The following SGMS1 variants were observed in gnomAD, a reference collection of about 807,000 sequenced individuals.
SGMS1 encodes the protein sphingomyelin synthase 1, also known as phosphatidylcholine:ceramide cholinephosphotransferase 1.
Under a neutral mutation model 46.2 loss-of-function variants are expected in SGMS1, and 13 were observed. That is an observed-to-expected ratio of 0.28 (90% CI 0.18 to 0.45). The LOEUF is 0.45. Among genes scored for constraint, SGMS1 ranks in the 20% least tolerant of loss-of-function variants. The pLI, the probability that SGMS1 is intolerant of heterozygous loss-of-function variation, is 1.00. For missense variants in SGMS1, 324 were observed against 519.9 expected (o/e 0.62, Z 3.66); for synonymous variants, 203 against 187.8 (o/e 1.08, Z -0.66).
intron 7 of SGMS1, among the ~76,000 whole-genome samples, chr10:50,331,986 C>T (rs1442926264): frequency 6.6e-6 from 1 of 152,182 alleles, no homozygotes; most frequent in Non-Finnish European, 1.5e-5. Flanking sequence ...GCAGCCTGAA[C>T]AGACTAAGGT....
intron 5 of SGMS1, among the ~76,000 whole-genome samples, chr10:50,459,141 C>T (rs189312490): frequency 7.2e-5 from 11 of 152,244 alleles, no homozygotes; most frequent in African/African-American, 1.4e-4. Context: ...AGTCCACTCC[C>T]GTCTCCCATG....
chr10:50,402,195 T>C (rs896448555), intron 6 of SGMS1, among the ~76,000 whole-genome samples: 2 of 152,236 alleles, frequency 1.3e-5, no homozygotes, highest in Non-Finnish European at 2.9e-5. Context: ...ATAAGCATCA[T>C]GATCACTCAA....
intron 5 of SGMS1, among the ~76,000 whole-genome samples, chr10:50,437,248 C>G (rs1849486162): frequency 6.6e-6 from 1 of 152,160 alleles, no homozygotes; most frequent in Admixed American, 6.5e-5. Flanking sequence ...TAGGAGACCA[C>G]AAAAGGGCTT....
chr10:50,388,271 G>T (rs1048539408), intron 6 of SGMS1, among the ~76,000 whole-genome samples: 1 of 151,930 alleles, frequency 6.6e-6, no homozygotes, highest in Admixed American at 6.6e-5. Flanking sequence ...TGAACCATGT[G>T]AATTTGTTAT....
At chr10:50,351,894 T>C (rs770276524) in intron 6 of SGMS1, among the ~76,000 whole-genome samples, 20 of 152,314 alleles carry the variant, frequency 1.3e-4, no homozygotes, top group East Asian at 7.7e-4. Flanking sequence ...CTCTAGGAAG[T>C]ATATCTTGGT....
chr10:50,341,213 T>C (rs1847815820), intron 7 of SGMS1: 1 of 397,840 alleles, frequency 2.5e-6, no homozygotes, highest in African/African-American at 2.1e-5. Flanking sequence ...CAAAAGATTT[T>C]AACCTTCTCT....
intron 1 of SGMS1, among the ~76,000 whole-genome samples, chr10:50,594,651 T>C (rs1339228283): frequency 6.6e-6 from 1 of 152,210 alleles, no homozygotes; most frequent in Non-Finnish European, 1.5e-5. Context: ...GTTTCTTAGA[T>C]GAAAATAGTA....
At chr10:50,389,975 G>A (rs1022025646) in intron 6 of SGMS1, among the ~76,000 whole-genome samples, 4 of 152,102 alleles carry the variant, frequency 2.6e-5, no homozygotes, top group Admixed American at 1.3e-4. Context: ...AATACTTTAC[G>A]TGTTTGAAAA....
chr10:50,568,761 G>A (rs1410878554), intron 2 of SGMS1, among the ~76,000 whole-genome samples: 1 of 151,990 alleles, frequency 6.6e-6, no homozygotes, highest in Non-Finnish European at 1.5e-5. Context: ...TATTAATGAA[G>A]GTAAGCAACC....
intron 5 of SGMS1, among the ~76,000 whole-genome samples, chr10:50,437,583 T>C (rs989529975): frequency 2.6e-5 from 4 of 152,044 alleles, no homozygotes; most frequent in African/African-American, 9.7e-5. Context: ...GAGCAGGCCA[T>C]AAAAAAGCAA....
intron 3 of SGMS1, among the ~76,000 whole-genome samples, chr10:50,512,758 T>C (rs1378676992): frequency 1.3e-5 from 2 of 152,224 alleles, no homozygotes; most frequent in African/African-American, 4.8e-5. Context: ...ACAACATAAA[T>C]TTAAAACTAT....
At chr10:50,606,598 C>T (rs995162709) in intron 1 of SGMS1, among the ~76,000 whole-genome samples, 2 of 152,072 alleles carry the variant, frequency 1.3e-5, no homozygotes, top group Non-Finnish European at 2.9e-5. Context: ...TAAGAATCTA[C>T]CAAAGTTGTC....
intron 6 of SGMS1, among the ~76,000 whole-genome samples, chr10:50,369,945 C>G (rs1848408779): frequency 6.6e-6 from 1 of 152,170 alleles, no homozygotes; most frequent in Non-Finnish European, 1.5e-5. Flanking sequence ...AAAACTTGTA[C>G]AGCATTCTAC....
At chr10:50,426,263 A>C (rs916310595) in intron 6 of SGMS1, among the ~76,000 whole-genome samples, 4 of 152,260 alleles carry the variant, frequency 2.6e-5, no homozygotes, top group African/African-American at 9.6e-5. Context: ...GTTTATAAAA[A>C]AATGTTTTAA....
Position 50,461,162 on chromosome 10 carries a change from CTGAT to C in SGMS1, c.-454-352_-454-349del, listed in dbSNP as rs796781806. ...ACTATTTTTAGTTGCCAACAAATAA[CTGAT>C]TATCATAAATTAAGTATAAGTTTGA... is the stretch of plus-strand genomic sequence containing the variant. On this transcript the variant is annotated intron_variant, in intron 4 of 10. Coordinates refer to ENST00000361781, the MANE Select transcript of SGMS1 (RefSeq NM_147156.4). Among the ~76,000 whole-genome samples, 142 of 152,204 alleles carry C rather than the reference CTGAT, an allele frequency of 9.3e-4. 1 individual carries two copies. Among genetic ancestry groups the C allele is most frequent in the African/African-American group, 3.3e-3 (139 of 41,524 alleles).
intron 6 of SGMS1, among the ~76,000 whole-genome samples, chr10:50,429,461 A>G (rs891196958): frequency 6.6e-6 from 1 of 152,178 alleles, no homozygotes; most frequent in African/African-American, 2.4e-5. Context: ...CACAACAACA[A>G]TATTGCCTGA....
chr10:50,394,893 A>G (rs715675), intron 6 of SGMS1, among the ~76,000 whole-genome samples: 107,362 of 152,080 alleles, frequency 0.71, 38,094 homozygotes, highest in Middle Eastern at 0.81. Context: ...GACTATGATT[A>G]AGCTTTTTAA....
chr10:50,542,719 T>C (rs1307460006), intron 2 of SGMS1, among the ~76,000 whole-genome samples: 3 of 148,130 alleles, frequency 2.0e-5, no homozygotes, highest in East Asian at 1.9e-4. Context: ...ATAAATATTA[T>C]ATATATTATA....
Position 50,623,801 on chromosome 10 carries a change from C to G in SGMS1, c.-778G>C. 5.1e-6 allele frequency: 5 copies of G among 985,446 alleles called. No individual in the cohort carries two copies. The South Asian group carries it at 2.3e-4, about 46-fold the overall frequency. The allele number at this position is 985,446 out of a possible 1,614,324, so 61.0% of individuals were successfully genotyped here. A position where few individuals can be genotyped will look rare whatever the true frequency, so the allele number is the denominator to read the frequency against. On this transcript the variant is annotated 5_prime_UTR_variant, in exon 1 of 11. Transcript: ENST00000361781. ...CAGGGCAGCGTCGGGGCTCCGCACC[C>G]CAATCGCGCTCTCCGACCGGCTCCC...
Sources: allele counts gnomAD v4.1 joint callset (sites outside exome capture counted in the v4.1 genomes callset), GRCh38; gene constraint gnomAD v4.1.1; transcripts MANE v1.5; gene names NCBI Gene and HGNC (gene_info 2026-07-23, HGNC 2026-07-21).